The following GRIA1 variants were observed in gnomAD, a reference collection of about 807,000 sequenced individuals.
GRIA1 encodes glutamate receptor 1.
GRIA1 carries 31 observed loss-of-function variants against 99.2 expected under a neutral mutation model. That is an observed-to-expected ratio of 0.31 (90% CI 0.23 to 0.42). The LOEUF (loss-of-function observed/expected upper bound fraction) is 0.42. GRIA1 is among the 10% of genes least tolerant of loss of function. GRIA1 has a pLI of 1.00. For synonymous variants in GRIA1, 438 were observed against 432.4 expected (o/e 1.01, Z -0.16); for missense variants, 782 against 1,157.5 (o/e 0.68, Z 4.71).
intron 5 of GRIA1, among the ~76,000 whole-genome samples, chr5:153,660,952 C>G (rs779445589): frequency 6.6e-6 from 1 of 152,132 alleles, no homozygotes; most frequent in Non-Finnish European, 1.5e-5. Context: ...ACTTGGGAAC[C>G]AGGACAGTTG....
At chr5:153,515,715 C>T (rs1033936637) in intron 2 of GRIA1, among the ~76,000 whole-genome samples, 1 of 152,168 alleles carries the variant, frequency 6.6e-6, no homozygotes, top group Non-Finnish European at 1.5e-5. Context: ...AAAGATCACA[C>T]TGTAACACAG....
At chr5:153,495,685 G>C (rs560122083) in intron 2 of GRIA1, among the ~76,000 whole-genome samples, 77 of 152,138 alleles carry the variant, frequency 5.1e-4, no homozygotes, top group Non-Finnish European at 1.0e-3. Flanking sequence ...CTTATCTACT[G>C]TGTTACTCAC....
At chr5:153,808,371 G>C (rs1346066678) in intron 15 of GRIA1, among the ~76,000 whole-genome samples, 1 of 151,484 alleles carries the variant, frequency 6.6e-6, no homozygotes, top group Non-Finnish European at 1.5e-5. Flanking sequence ...GTTTATGACA[G>C]TTTAGCCACG....
intron 11 of GRIA1, among the ~76,000 whole-genome samples, chr5:153,724,659 G>C (rs1421311061): frequency 6.6e-6 from 1 of 151,958 alleles, no homozygotes; most frequent in Non-Finnish European, 1.5e-5. Context: ...GATGGAAGAT[G>C]AAATGAATGA....
intron 2 of GRIA1, among the ~76,000 whole-genome samples, chr5:153,532,936 G>T (rs1418320114): frequency 6.6e-6 from 1 of 152,206 alleles, no homozygotes; most frequent in African/African-American, 2.4e-5. Context: ...AGAACACTTA[G>T]CCCAGGACCT....
chr5:153,630,681 C>T (rs1468977631), intron 2 of GRIA1, among the ~76,000 whole-genome samples: 1 of 152,216 alleles, frequency 6.6e-6, no homozygotes, highest in Non-Finnish European at 1.5e-5. Context: ...GAAGCAAATC[C>T]AGCAGAGATT....
intron 2 of GRIA1, among the ~76,000 whole-genome samples, chr5:153,607,031 A>T (rs1765497922): frequency 7.9e-6 from 1 of 127,212 alleles, no homozygotes; most frequent in South Asian, 2.7e-4. Context: ...TGATATAAAC[A>T]TATCACAAAA....
chr5:153,697,632 T>C (rs1224751393), intron 8 of GRIA1, among the ~76,000 whole-genome samples: 3 of 152,190 alleles, frequency 2.0e-5, no homozygotes, highest in Non-Finnish European at 2.9e-5. Context: ...GTTTAAATCA[T>C]ATGATTCCAA....
chr5:153,697,351 G>A (rs988360360), intron 8 of GRIA1, among the ~76,000 whole-genome samples: 1 of 152,124 alleles, frequency 6.6e-6, no homozygotes, highest in Non-Finnish European at 1.5e-5. Context: ...CAACACTAAT[G>A]TTTTAGCTCA....
intron 2 of GRIA1, among the ~76,000 whole-genome samples, chr5:153,526,462 G>A (rs1224190814): frequency 1.3e-5 from 2 of 152,122 alleles, no homozygotes; most frequent in Non-Finnish European, 2.9e-5. Context: ...ATTGCAGAAT[G>A]TTTGGTTGTG....
At chr5:153,648,177 G>A (rs1356416160) in intron 3 of GRIA1, among the ~76,000 whole-genome samples, 1 of 152,128 alleles carries the variant, frequency 6.6e-6, no homozygotes. Flanking sequence ...GGCAGGCGTC[G>A]TTCAGATGGG....
rs190922502 is a variant in GRIA1, at chr5:153,717,914, T to C, written c.1823+11847T>C. Among the ~76,000 whole-genome samples the C allele has an allele frequency of 3.9e-4, 59 of 152,318 alleles. 1 individual carries two copies. The East Asian group carries it at 7.0e-3, about 18-fold the overall frequency. ...AGAAGAGGCTGTTAGAAAAATGTCT[T>C]CCTGGCTGGGGACCCCCCTGAGATT... On this transcript the variant is annotated intron_variant, in intron 11 of 15. Transcript: ENST00000285900.
intron 2 of GRIA1, among the ~76,000 whole-genome samples, chr5:153,644,519 C>T (rs182735302): frequency 9.7e-4 from 148 of 152,276 alleles, no homozygotes; most frequent in African/African-American, 3.5e-3. Context: ...AAGCATCTAC[C>T]ATGTCCCAGA....
intron 2 of GRIA1, among the ~76,000 whole-genome samples, chr5:153,625,369 C>G (rs200622463): frequency 3.9e-5 from 6 of 152,294 alleles, no homozygotes; most frequent in South Asian, 2.1e-4. Flanking sequence ...CTCTAAGGAG[C>G]CTTTCTAGCC....
intron 2 of GRIA1, among the ~76,000 whole-genome samples, chr5:153,537,165 G>A (rs1362666331): frequency 6.6e-6 from 1 of 152,160 alleles, no homozygotes; most frequent in African/African-American, 2.4e-5. Flanking sequence ...CATACAGTGT[G>A]TGCCAGTAGA....
At chr5:153,590,698 T>C (rs950333820) in intron 2 of GRIA1, among the ~76,000 whole-genome samples, 2 of 152,180 alleles carry the variant, frequency 1.3e-5, no homozygotes. Context: ...AAAAAAAAAT[T>C]TGTGAAACAA....
At chr5:153,710,960 AG>A (rs1191996671) in intron 11 of GRIA1, among the ~76,000 whole-genome samples, 1 of 152,220 alleles carries the variant, frequency 6.6e-6, no homozygotes, top group Non-Finnish European at 1.5e-5. Context: ...GGTAAGAATG[AG>A]CTAGACTTGT....
intron 2 of GRIA1, among the ~76,000 whole-genome samples, chr5:153,612,792 C>T (rs762744370): frequency 6.6e-6 from 1 of 152,190 alleles, no homozygotes; most frequent in African/African-American, 2.4e-5. Flanking sequence ...GGATACCCAG[C>T]CACACATACC....
chr5:153,798,196 C>T (rs1262253650), intron 14 of GRIA1, among the ~76,000 whole-genome samples: 1 of 152,204 alleles, frequency 6.6e-6, no homozygotes, highest in Non-Finnish European at 1.5e-5. Flanking sequence ...TTTGGTTGAA[C>T]CAAATCCACC....
Sources: allele counts gnomAD v4.1 joint callset (sites outside exome capture counted in the v4.1 genomes callset), GRCh38; gene constraint gnomAD v4.1.1; transcripts MANE v1.5; gene names NCBI Gene and HGNC (gene_info 2026-07-23, HGNC 2026-07-21).